WWOX: variants seen among roughly 807,000 people sequenced by gnomAD.
WWOX encodes the protein WW domain-containing oxidoreductase.
A neutral mutation model predicts 46.2 loss-of-function variants in WWOX; 69 were observed. The ratio of observed to expected loss-of-function variants is 1.49; its 90% CI spans 1.23 to 1.82. The LOEUF is 1.82. WWOX is among the 40% of genes most tolerant of loss of function. The pLI is 0.00. For synonymous variants in WWOX, 359 were observed against 202.6 expected, an observed-to-expected ratio of 1.77 and a Z score of -6.56; for missense variants, 919 against 542.6, an observed-to-expected ratio of 1.69 and a Z score of -6.89.
At chr16:78,224,604 C>G (rs142217529) in intron 5 of WWOX, among the ~76,000 whole-genome samples, 1,788 of 152,198 alleles carry the variant, frequency 0.012, 29 homozygotes, top group Non-Finnish European at 0.013. Flanking sequence ...CAGCTTTTCT[C>G]TATTGTAAGT....
intron 8 of WWOX, among the ~76,000 whole-genome samples, chr16:78,626,817 A>G (rs1217174286): frequency 6.6e-6 from 1 of 152,108 alleles, no homozygotes; most frequent in Non-Finnish European, 1.5e-5. Flanking sequence ...TATTTATATC[A>G]CGGTACACTC....
intron 8 of WWOX, among the ~76,000 whole-genome samples, chr16:78,822,053 T>C (rs1418367402): frequency 6.6e-6 from 1 of 151,994 alleles, no homozygotes; most frequent in Admixed American, 6.6e-5. Context: ...TTTTTAAAAT[T>C]TCCTGTAGAG....
chr16:78,752,665 G>C lies in WWOX; in HGVS notation c.1056+319913G>C, dbSNP rs549603319. 1.8e-4 allele frequency among the ~76,000 whole-genome samples: 27 copies of C among 152,310 alleles called. 1 individual carries two copies. Among genetic ancestry groups the C allele is most frequent in the Admixed American group, 1.3e-3 (20 of 15,308 alleles). ...ATAAAATTCTTTAAGATAAACATTT[G>C]TCTTCTGTTTTCCCCTGAGAGTGGT... On this transcript the variant is annotated intron_variant, in intron 8 of 8. Coordinates refer to ENST00000566780, the MANE Select transcript of WWOX (RefSeq NM_016373.4).
intron 8 of WWOX, among the ~76,000 whole-genome samples, chr16:78,705,264 AT>A (rs2048306644): frequency 6.6e-6 from 1 of 152,188 alleles, no homozygotes; most frequent in Admixed American, 6.5e-5. Flanking sequence ...TATTGTTTAC[AT>A]TTATCAAATG....
intron 8 of WWOX, among the ~76,000 whole-genome samples, chr16:78,968,049 C>G (rs993262547): frequency 1.3e-5 from 2 of 151,996 alleles, no homozygotes; most frequent in Non-Finnish European, 2.9e-5. Flanking sequence ...AGTGCATGGT[C>G]TGCATGGCAC....
At chr16:79,012,226 G>T (rs145436342) in intron 8 of WWOX, among the ~76,000 whole-genome samples, 1 of 152,008 alleles carries the variant, frequency 6.6e-6, no homozygotes, top group Non-Finnish European at 1.5e-5. Context: ...CATGCAACTA[G>T]TATGACATCT....
intron 8 of WWOX, among the ~76,000 whole-genome samples, chr16:78,537,207 A>G (rs756573893): frequency 5.9e-5 from 9 of 152,052 alleles, no homozygotes; most frequent in Non-Finnish European, 1.2e-4. Flanking sequence ...GTGACCCACC[A>G]CACCCAGCCA....
chr16:78,120,749 C>T (rs1353204977), intron 4 of WWOX, among the ~76,000 whole-genome samples: 1 of 152,154 alleles, frequency 6.6e-6, no homozygotes, highest in Non-Finnish European at 1.5e-5. Context: ...TTTGATCCTA[C>T]AAATTGTCAC....
chr16:78,934,525 A>G lies in WWOX; in HGVS notation c.1057-277083A>G, dbSNP rs1007168180. The stretch of plus-strand genomic sequence containing the variant: ...CCCTGTATCAAAAAAAAAAAAAAAA[A>G]AAAAAAGAAACACAACTTACCAAAC... On this transcript the variant is annotated intron_variant, in intron 8 of 8. Transcript: ENST00000566780. Among the ~76,000 whole-genome samples, 7 of 150,504 alleles carry G rather than the reference A, an allele frequency of 4.7e-5. No individual in the cohort carries two copies. The East Asian group carries it at 7.8e-4, about 17-fold the overall frequency.
intron 5 of WWOX, among the ~76,000 whole-genome samples, chr16:78,261,270 G>GATACATACATAC (rs1308108295): frequency 8.0e-6 from 1 of 124,808 alleles, no homozygotes; most frequent in African/African-American, 3.3e-5. Context: ...AAGGTAGATA[G>GATACATACATAC]ATAGATAGAT....
chr16:78,934,588 C>A (rs1187380089), intron 8 of WWOX, among the ~76,000 whole-genome samples: 1 of 151,006 alleles, frequency 6.6e-6, no homozygotes, highest in African/African-American at 2.4e-5. Flanking sequence ...AAGCTAGCAT[C>A]TGTTTTTACC....
intron 8 of WWOX, among the ~76,000 whole-genome samples, chr16:78,927,819 C>T (rs191891696): frequency 1.3e-5 from 2 of 152,096 alleles, no homozygotes; most frequent in Non-Finnish European, 2.9e-5. Flanking sequence ...CTTTGGAAGG[C>T]AGATTAAGTA....
intron 8 of WWOX, among the ~76,000 whole-genome samples, chr16:79,127,057 A>C: frequency 6.6e-6 from 1 of 152,110 alleles, no homozygotes; most frequent in East Asian, 1.9e-4. Context: ...AAAAATGTAC[A>C]TATACACATA....
intron 8 of WWOX, among the ~76,000 whole-genome samples, chr16:78,903,383 C>G (rs2044877725): frequency 6.6e-6 from 1 of 152,218 alleles, no homozygotes; most frequent in Admixed American, 6.5e-5. Flanking sequence ...CAAACGAAGA[C>G]TCCGCCTCCA....
chr16:78,312,400 G>A (rs569152930), intron 5 of WWOX, among the ~76,000 whole-genome samples: 26 of 54,608 alleles, frequency 4.8e-4, no homozygotes, highest in African/African-American at 1.9e-3. Flanking sequence ...TTTTTAAGAC[G>A]GAGTTGTGCT....
chr16:78,192,297 C>T (rs1175158582), intron 5 of WWOX, among the ~76,000 whole-genome samples: 1 of 152,034 alleles, frequency 6.6e-6, no homozygotes, highest in African/African-American at 2.4e-5. Context: ...GAATTCGAGA[C>T]CAGTCTGGCC....
At chr16:78,209,056 A>T (rs74027938) in intron 5 of WWOX, among the ~76,000 whole-genome samples, 1 of 152,344 alleles carries the variant, frequency 6.6e-6, no homozygotes, top group African/African-American at 2.4e-5. Context: ...ATACATATGC[A>T]TATTTATGTG....
chr16:79,058,184 T>G (rs901387039), intron 8 of WWOX, among the ~76,000 whole-genome samples: 4 of 151,712 alleles, frequency 2.6e-5, no homozygotes, highest in African/African-American at 9.7e-5. Context: ...AGTGTGTACC[T>G]GTATAGAGAG....
At chr16:79,071,872 C>G (rs75328314) in intron 8 of WWOX, among the ~76,000 whole-genome samples, 3,456 of 152,324 alleles carry the variant, frequency 0.023, 141 homozygotes, top group African/African-American at 0.08. Context: ...TTGCAACCAA[C>G]TCCATGTCTG....
Sources: gnomAD v4.1 joint callset for allele counts (sites outside exome capture counted in the v4.1 genomes callset) on GRCh38, gnomAD v4.1.1 for gene constraint, MANE v1.5 for transcripts, NCBI Gene and HGNC (gene_info 2026-07-23, HGNC 2026-07-21) for gene names.